TNR: variants seen among roughly 807,000 people sequenced by gnomAD.
TNR encodes tenascin R.
Under a neutral mutation model 150.4 loss-of-function variants are expected in TNR, and 45 were observed. The ratio of observed to expected loss-of-function variants is 0.30; its 90% confidence interval spans 0.24 to 0.38. The LOEUF (loss-of-function observed/expected upper bound fraction) is 0.38. Ranked by LOEUF, TNR falls within the 10% of genes least tolerant of loss-of-function variation. The pLI, the probability that TNR is intolerant of heterozygous loss-of-function variation, is 1.00. For synonymous variants in TNR, 687 were observed against 678.4 expected, an observed-to-expected ratio of 1.01 and a Z score of -0.20; for missense variants, 1,544 against 1,759.1, an observed-to-expected ratio of 0.88 and a Z score of 2.19.
chr1:175,716,682 A>G (rs1667162137), intron 1 of TNR, among the ~76,000 whole-genome samples: 1 of 152,210 alleles, frequency 6.6e-6, no homozygotes, highest in African/African-American at 2.4e-5. Context: ...GAGTTTTATA[A>G]AACACCAATG....
chr1:175,609,924 G>A (rs1663538561), intron 1 of TNR, among the ~76,000 whole-genome samples: 1 of 152,174 alleles, frequency 6.6e-6, no homozygotes, highest in Non-Finnish European at 1.5e-5. Context: ...GACACAAATA[G>A]TCTTGCTAAT....
chr1:175,475,257 T>C (rs559738462), intron 2 of TNR, among the ~76,000 whole-genome samples: 31 of 152,292 alleles, frequency 2.0e-4, no homozygotes, highest in Non-Finnish European at 2.9e-4. Context: ...CCTAGCGTCA[T>C]CTCCCCATTC....
intron 1 of TNR, among the ~76,000 whole-genome samples, chr1:175,715,884 T>A (rs115285750): frequency 1.3e-5 from 2 of 152,196 alleles, no homozygotes; most frequent in African/African-American, 4.8e-5. Flanking sequence ...GCAGGCTGTG[T>A]TTCTGGCGAG....
At chr1:175,355,378 A>T in intron 17 of TNR, 125 bp downstream of exon 17, 2 of 1,077,818 alleles carry the variant, frequency 1.9e-6, no homozygotes, top group South Asian at 3.2e-5. Context: ...TGGGAAGCTG[A>T]TGAGCAATCC....
chr1:175,532,168 T>A (rs1305889875), intron 1 of TNR, among the ~76,000 whole-genome samples: 1 of 152,254 alleles, frequency 6.6e-6, no homozygotes, highest in Non-Finnish European at 1.5e-5. Flanking sequence ...TTGCTGGAGA[T>A]GTTCCAGTAA....
intron 2 of TNR, among the ~76,000 whole-genome samples, chr1:175,456,915 A>G (rs1488060993): frequency 6.6e-6 from 1 of 152,188 alleles, no homozygotes; most frequent in East Asian, 1.9e-4. Flanking sequence ...TTATGAGTCA[A>G]TTTCTGAGGT....
intron 1 of TNR, among the ~76,000 whole-genome samples, chr1:175,545,540 A>G (rs958051632): frequency 1.3e-4 from 20 of 152,224 alleles, no homozygotes; most frequent in African/African-American, 4.6e-4. Flanking sequence ...CACTGAGGCT[A>G]TATGCCTGAA....
rs1221817013 is a variant in TNR, at chr1:175,316,233, C to T, written c.*7124G>A. On this transcript the variant is annotated 3_prime_UTR_variant, in exon 23 of 23. Transcript: ENST00000367674. ...TAGCAGAGAAAGCTGATATTGTAGC[C>T]AACTGTCTTCTGATGCCTTCCCACC... 1.3e-5 allele frequency: 2 copies of T among 152,180 alleles called. No homozygotes were observed. Among genetic ancestry groups the T allele is most frequent in the African/African-American group, 2.4e-5 (1 of 41,428 alleles). The allele number at this position is 152,180 out of a possible 1,614,324, so 9.4% of individuals were successfully genotyped here.
chr1:175,410,803 A>C (rs971949184), intron 2 of TNR, among the ~76,000 whole-genome samples: 5 of 152,248 alleles, frequency 3.3e-5, no homozygotes, highest in Non-Finnish European at 7.3e-5. Context: ...GAGTGACCAC[A>C]GAGTTTCCTG....
intron 20 of TNR, among the ~76,000 whole-genome samples, chr1:175,331,030 TTTC>T (rs1649749377): frequency 3.0e-5 from 2 of 67,788 alleles, no homozygotes; most frequent in South Asian, 5.3e-4. Flanking sequence ...TCTTTCTTTC[TTTC>T]TTTCTTTCTT....
At chr1:175,446,037 A>G (rs1358826475) in intron 2 of TNR, among the ~76,000 whole-genome samples, 1 of 152,194 alleles carries the variant, frequency 6.6e-6, no homozygotes, top group Non-Finnish European at 1.5e-5. Context: ...ATTGATCCCA[A>G]ACTATCTAGG....
chr1:175,571,728 A>G (rs1442554298), intron 1 of TNR, among the ~76,000 whole-genome samples: 3 of 152,144 alleles, frequency 2.0e-5, no homozygotes, highest in African/African-American at 7.2e-5. Context: ...AACTACCTGC[A>G]TGTTTTACTC....
intron 1 of TNR, among the ~76,000 whole-genome samples, chr1:175,672,156 T>G (rs188585353): frequency 1.9e-3 from 297 of 152,322 alleles, no homozygotes; most frequent in African/African-American, 6.7e-3. Context: ...AATGGGGACA[T>G]TAAAACCTTC....
intron 1 of TNR, among the ~76,000 whole-genome samples, chr1:175,726,547 A>T (rs541621116): frequency 7.2e-5 from 11 of 152,310 alleles, no homozygotes; most frequent in Non-Finnish European, 1.3e-4. Flanking sequence ...GAACAAAACT[A>T]CCCTCCTTGT....
At chr1:175,576,592 C>A (rs1479454583) in intron 1 of TNR, among the ~76,000 whole-genome samples, 2 of 152,158 alleles carry the variant, frequency 1.3e-5, no homozygotes, top group African/African-American at 4.8e-5. Flanking sequence ...CAGCTACTCA[C>A]ATAAAAGCAT....
intron 1 of TNR, among the ~76,000 whole-genome samples, chr1:175,658,772 C>T (rs2101895277): frequency 6.6e-6 from 1 of 152,330 alleles, no homozygotes; most frequent in East Asian, 1.9e-4. Context: ...CTCCAAAATT[C>T]ATACCAGAAG....
intron 1 of TNR, among the ~76,000 whole-genome samples, chr1:175,656,297 C>T (rs1401088845): frequency 2.0e-5 from 3 of 152,064 alleles, no homozygotes; most frequent in Non-Finnish European, 4.4e-5. Context: ...GCAATGACCT[C>T]GGCTACGTGG....
At chr1:175,494,653 G>A (rs859393) in intron 2 of TNR, among the ~76,000 whole-genome samples, 2,613 of 152,238 alleles carry the variant, frequency 0.017, 79 homozygotes, top group African/African-American at 0.059. Context: ...GTCTGGCTAT[G>A]TGCAGAGCGC....
intron 1 of TNR, among the ~76,000 whole-genome samples, chr1:175,678,822 C>T (rs564399651): frequency 2.6e-5 from 4 of 152,274 alleles, no homozygotes; most frequent in Non-Finnish European, 5.9e-5. Flanking sequence ...GGCCTGTGGC[C>T]CTGCCCTTCT....
Sources: allele counts gnomAD v4.1 joint callset (sites outside exome capture counted in the v4.1 genomes callset), GRCh38; gene constraint gnomAD v4.1.1; transcripts MANE v1.5; gene names NCBI Gene and HGNC (gene_info 2026-07-23, HGNC 2026-07-21).